Variants in SLC8A1 observed in about 807,000 individuals in gnomAD.
SLC8A1 encodes sodium/calcium exchanger 1.
In SLC8A1, 18 loss-of-function variants were observed where a neutral mutation model predicts 68.3. The observed-to-expected ratio is 0.26, with a 90% CI of 0.18 to 0.39. SLC8A1 has a LOEUF of 0.39. SLC8A1 is among the 10% of genes least tolerant of loss of function. SLC8A1 has a pLI of 1.00. For missense variants in SLC8A1, 985 were observed against 1,156.7 expected (o/e 0.85, Z 2.15); for synonymous variants, 475 against 415.5 (o/e 1.14, Z -1.74).
At chr2:40,108,779 C>A (rs753217538) in exon 8 of SLC8A1, 10 of 152,096 alleles carry the variant, frequency 6.6e-5, no homozygotes, top group Non-Finnish European at 1.3e-4. Context: ...TTGGACTGTT[C>A]TTTCCATTTG....
At chr2:40,170,445 T>A (rs2047273898) in intron 4 of SLC8A1, 96 bp from the exon 7 acceptor site, 1 of 1,015,078 alleles carries the variant, frequency 9.9e-7, no homozygotes, top group East Asian at 2.5e-5. Context: ...CACACCCAGA[T>A]GCACACATCA....
chr2:40,146,097 C>T (rs928497516), intron 6 of SLC8A1, among the ~76,000 whole-genome samples: 1 of 152,210 alleles, frequency 6.6e-6, no homozygotes, highest in African/African-American at 2.4e-5. Flanking sequence ...TATTGGAAGA[C>T]ACTTCCTATC....
At chr2:40,137,977 G>C (rs1040106660) in intron 7 of SLC8A1, among the ~76,000 whole-genome samples, 103 of 152,138 alleles carry the variant, frequency 6.8e-4, no homozygotes, top group African/African-American at 2.4e-3. Flanking sequence ...GAAGTGTCCA[G>C]ATTTATACTG....
intron 2 of SLC8A1, among the ~76,000 whole-genome samples, chr2:40,412,026 G>A (rs533067204): frequency 3.3e-5 from 5 of 151,970 alleles, no homozygotes; most frequent in African/African-American, 9.7e-5. Flanking sequence ...GTTTTTATAC[G>A]TGGAAACAGG....
chr2:40,289,467 G>T (rs2068899323), intron 2 of SLC8A1, among the ~76,000 whole-genome samples: 1 of 151,980 alleles, frequency 6.6e-6, no homozygotes, highest in African/African-American at 2.4e-5. Flanking sequence ...TTATTTTGTA[G>T]CCAGCCATTG....
At chr2:40,253,937 T>G (rs943398921) in intron 2 of SLC8A1, among the ~76,000 whole-genome samples, 2 of 129,960 alleles carry the variant, frequency 1.5e-5, no homozygotes, top group African/African-American at 6.1e-5. Context: ...CTAAAAAGAA[T>G]AAGTTCCAGT....
At chr2:40,196,406 A>T (rs1413456643) in intron 2 of SLC8A1, among the ~76,000 whole-genome samples, 3 of 151,974 alleles carry the variant, frequency 2.0e-5, no homozygotes, top group Middle Eastern at 3.2e-3. Flanking sequence ...TGAGCCTCTG[A>T]CCTTGTGAGG....
intron 6 of SLC8A1, among the ~76,000 whole-genome samples, chr2:40,154,479 C>CT (rs144812656): frequency 0.067 from 2,007 of 29,760 alleles, 58 homozygotes; most frequent in Non-Finnish European, 0.1. Context: ...AATTTTTTTT[C>CT]TTTTCTTTTT....
intron 1 of SLC8A1, among the ~76,000 whole-genome samples, chr2:40,478,925 C>G (rs1704459990): frequency 6.6e-6 from 1 of 152,248 alleles, no homozygotes; most frequent in East Asian, 1.9e-4. Context: ...GCGCCCGCCA[C>G]CACGCCCAGC....
chr2:40,424,941 T>A (rs1325024522), intron 2 of SLC8A1, among the ~76,000 whole-genome samples: 1 of 151,864 alleles, frequency 6.6e-6, no homozygotes, highest in East Asian at 1.9e-4. Context: ...ATTATTACCA[T>A]TAAACTAGAA....
intron 2 of SLC8A1, among the ~76,000 whole-genome samples, chr2:40,388,704 G>T (rs568306300): frequency 6.6e-6 from 1 of 151,976 alleles, no homozygotes; most frequent in Non-Finnish European, 1.5e-5. Flanking sequence ...ATCAAATAAC[G>T]CAAAGTGAAC....
At chr2:40,258,021 G>C (rs1001468752) in intron 2 of SLC8A1, among the ~76,000 whole-genome samples, 2 of 152,158 alleles carry the variant, frequency 1.3e-5, no homozygotes, top group Admixed American at 6.5e-5. Flanking sequence ...TACCAGCGTG[G>C]GTGATGCTGA....
At chr2:40,451,191 G>C (rs1702411214) in intron 1 of SLC8A1, among the ~76,000 whole-genome samples, 1 of 152,160 alleles carries the variant, frequency 6.6e-6, no homozygotes, top group Non-Finnish European at 1.5e-5. Context: ...CAAAGCTCCA[G>C]AGGCAGAGAA....
At chr2:40,409,983 C>T (rs191382344) in intron 2 of SLC8A1, among the ~76,000 whole-genome samples, 41 of 150,726 alleles carry the variant, frequency 2.7e-4, no homozygotes, top group Admixed American at 6.0e-4. Flanking sequence ...ATAGGAGCAA[C>T]CACGGACTAA....
At position 40,175,290 on chromosome 2, in the gene SLC8A1, G is replaced by GAAAC. The variant is rs758031264; in HGVS notation, c.1913-452_1913-449dup. 15 of 1,612,280 alleles carry GAAAC rather than the reference G, an allele frequency of 9.3e-6. No individual in the cohort carries two copies. The African/African-American group carries it at 1.9e-4, about 20-fold the overall frequency. On this transcript the variant is annotated intron_variant, in intron 3 of 7. Transcript: ENST00000406785. ...CTCATTCAATAACAGGGCTGTGAAG[G>GAAAC]AAACAGACAAAGACAAACACAGAAT...
chr2:40,487,347 A>T (rs1705035352), intron 1 of SLC8A1, among the ~76,000 whole-genome samples: 1 of 152,094 alleles, frequency 6.6e-6, no homozygotes, highest in Non-Finnish European at 1.5e-5. Context: ...CATTTTTCCT[A>T]ACAATTCTAG....
chr2:40,309,309 T>C (rs554979492), intron 2 of SLC8A1, among the ~76,000 whole-genome samples: 2 of 152,266 alleles, frequency 1.3e-5, no homozygotes, highest in African/African-American at 2.4e-5. Flanking sequence ...TGCTGCTATC[T>C]CTACAGTAAT....
At chr2:40,105,308 A>G (rs2034127969) in exon 8 of SLC8A1, 1 of 152,164 alleles carries the variant, frequency 6.6e-6, no homozygotes, top group Admixed American at 6.5e-5. Flanking sequence ...TTGTTTTAAA[A>G]TGTTGTTAAA....
intron 1 of SLC8A1, among the ~76,000 whole-genome samples, chr2:40,504,821 G>T (rs1043283113): frequency 6.6e-6 from 1 of 151,876 alleles, no homozygotes. Context: ...ATGCTGGTGA[G>T]GATGTGGTGT....
Sources: allele counts gnomAD v4.1 joint callset (sites outside exome capture counted in the v4.1 genomes callset), GRCh38; gene constraint gnomAD v4.1.1; transcripts MANE v1.5; gene names NCBI Gene and HGNC (gene_info 2026-07-23, HGNC 2026-07-21).